The following RTN4 variants were observed in gnomAD, a reference collection of about 807,000 sequenced individuals.
The protein encoded by RTN4 is reticulon-4.
In RTN4, 32 loss-of-function variants were observed where a neutral mutation model predicts 90.4. That is an observed-to-expected ratio of 0.35 (90% CI 0.27 to 0.48). The LOEUF (loss-of-function observed/expected upper bound fraction) is 0.48, where lower values mean the gene tolerates loss of function less well. Ranked by LOEUF, RTN4 falls within the 20% of genes least tolerant of loss-of-function variation. The pLI, the probability that RTN4 is intolerant of heterozygous loss-of-function variation, is 0.99. For synonymous variants in RTN4, 629 were observed against 552.5 expected, an observed-to-expected ratio of 1.14 and a Z score of -1.94; for missense variants, 1,706 against 1,430.2, an observed-to-expected ratio of 1.19 and a Z score of -3.11.
intron 1 of RTN4, among the ~76,000 whole-genome samples, chr2:55,045,989 C>T (rs866462707): frequency 1.3e-5 from 2 of 152,196 alleles, no homozygotes; most frequent in Middle Eastern, 3.2e-3. Flanking sequence ...AGGTTTTAGT[C>T]TCACTTCAGT....
chr2:54,981,779 TAAGAAAG>T (rs760161669), intron 5 of RTN4, among the ~76,000 whole-genome samples: 1 of 109,312 alleles, frequency 9.1e-6, no homozygotes, highest in Non-Finnish European at 1.9e-5. Context: ...TTATCTAGAA[TAAGAAAG>T]AGTCCAAGAT....
chr2:54,996,607 T>A (rs1040364382), intron 3 of RTN4, among the ~76,000 whole-genome samples: 2 of 152,328 alleles, frequency 1.3e-5, no homozygotes, highest in South Asian at 4.1e-4. Flanking sequence ...TTTAAACAAA[T>A]GGTGCTAGGA....
At chr2:55,039,886 A>G (rs1206078461) in intron 1 of RTN4, among the ~76,000 whole-genome samples, 1 of 152,238 alleles carries the variant, frequency 6.6e-6, no homozygotes, top group Non-Finnish European at 1.5e-5. Context: ...TTAGTATTCC[A>G]TTAAAATATA....
intron 2 of RTN4, among the ~76,000 whole-genome samples, chr2:55,071,271 T>G (rs1210035392): frequency 3.5e-4 from 53 of 151,954 alleles, no homozygotes. Flanking sequence ...TACCTTGCAA[T>G]TAACTCTTTG....
chr2:55,093,729 CA>C lies in RTN4; in HGVS notation c.-213-13091del, dbSNP rs145080569. Reference sequence around the variant, plus strand: ...GTAAGAGGAAAAAGGGTAAATGTCTCAATTGTTTCCTCCTCTGATTACAGCC... The same window carrying C: ...GTAAGAGGAAAAAGGGTAAATGTCTCATTGTTTCCTCCTCTGATTACAGCC... On this transcript the variant is annotated intron_variant, in intron 1 of 3. Transcript: ENST00000427710. Among the ~76,000 whole-genome samples, 531 of 152,248 alleles carry C rather than the reference CA, an allele frequency of 3.5e-3. 3 individuals are homozygous for C. Among genetic ancestry groups the C allele is most frequent in the Middle Eastern group, 0.014 (4 of 294 alleles).
At chr2:54,985,981 G>A (rs1678527223) in intron 4 of RTN4, among the ~76,000 whole-genome samples, 1 of 152,186 alleles carries the variant, frequency 6.6e-6, no homozygotes, top group Non-Finnish European at 1.5e-5. Context: ...TAATGCAGTA[G>A]GAACTGAATT....
chr2:55,113,567 T>C (rs59078210), upstream of RTN4, among the ~76,000 whole-genome samples: 3,938 of 152,268 alleles, frequency 0.026, 165 homozygotes, highest in African/African-American at 0.089. Context: ...CTTGTTTCAA[T>C]TGAACAATAT....
Position 55,027,426 on chromosome 2 carries a change from G to T in RTN4, c.673C>A (p.Pro225Thr). Residue 225 changes from proline to threonine, a missense_variant, in exon 3 of 9, where the codon CCA becomes ACA. Coordinates refer to ENST00000337526, the MANE Select transcript of RTN4 (RefSeq NM_020532.5). ...NTISAGQEDF[P>T]SVLLETAASL... ...GCAGCAGTTTCAAGCAGGACAGATG[G>T]GAAATCCTCTTGACCAGCCGAAATA... 1.2e-6 allele frequency: 2 copies of T among 1,613,478 alleles called. No individual in the cohort carries two copies. Among genetic ancestry groups the T allele is most frequent in the Non-Finnish European group, 1.7e-6 (2 of 1,179,656 alleles).
chr2:55,107,546 G>C (rs571700342), intron 1 of RTN4, among the ~76,000 whole-genome samples: 2 of 151,872 alleles, frequency 1.3e-5, no homozygotes, highest in African/African-American at 2.4e-5. Flanking sequence ...TGGTACATCT[G>C]GGGGGGTTTT....
intron 3 of RTN4, among the ~76,000 whole-genome samples, chr2:54,990,936 C>T (rs1251956281): frequency 6.6e-6 from 1 of 152,066 alleles, no homozygotes; most frequent in Non-Finnish European, 1.5e-5. Flanking sequence ...GCGCCCGCCA[C>T]CATGCCCGGC....
intron 1 of RTN4, among the ~76,000 whole-genome samples, chr2:55,101,090 A>C (rs1043763653): frequency 6.6e-6 from 1 of 152,100 alleles, no homozygotes; most frequent in African/African-American, 2.4e-5. Context: ...TGAGAGAACA[A>C]AAACAAGCTC....
intron 3 of RTN4, among the ~76,000 whole-genome samples, chr2:55,022,896 A>ACACACACACACAC (rs1681543432): frequency 7.3e-6 from 1 of 137,388 alleles, no homozygotes; most frequent in Non-Finnish European, 1.6e-5. Context: ...TTCAACATCC[A>ACACACACACACAC]ACACACACAC....
chr2:54,987,878 T>A lies in RTN4; in HGVS notation c.3014-180A>T, dbSNP rs138159498. ...CATTTTAAACCCACTCTTAGTTGTATATTAGTATAACACCTTTATTTTTGA... is the reference window on the plus strand; with the variant it reads ...CATTTTAAACCCACTCTTAGTTGTAAATTAGTATAACACCTTTATTTTTGA... On this transcript the variant is annotated intron_variant, in intron 3 of 8. Coordinates refer to ENST00000337526, the MANE Select transcript of RTN4 (RefSeq NM_020532.5). Among the ~76,000 whole-genome samples the A allele has an allele frequency of 3.7e-4, 57 of 152,364 alleles. No individual in the cohort carries two copies. The East Asian group carries it at 0.011, about 29-fold the overall frequency.
At chr2:55,137,110 G>T in the RTN4 span, among the ~76,000 whole-genome samples, 1 of 152,226 alleles carries the variant, frequency 6.6e-6, no homozygotes, top group Admixed American at 6.5e-5. Context: ...TCCGTCTGGG[G>T]AGCTGAGGAA....
At chr2:55,066,461 T>C (rs905779071) in intron 2 of RTN4, among the ~76,000 whole-genome samples, 1 of 151,802 alleles carries the variant, frequency 6.6e-6, no homozygotes, top group Non-Finnish European at 1.5e-5. Context: ...TTGGGAGGCC[T>C]AGGCAGGCGA....
At chr2:55,122,394 G>A in the RTN4 span, among the ~76,000 whole-genome samples, 2 of 152,146 alleles carry the variant, frequency 1.3e-5, no homozygotes, top group African/African-American at 4.8e-5. Flanking sequence ...TTGCACACAT[G>A]GCCCTGACCA....
intron 1 of RTN4, among the ~76,000 whole-genome samples, chr2:55,035,049 T>A (rs1272061864): frequency 6.6e-6 from 1 of 152,116 alleles, no homozygotes; most frequent in East Asian, 1.9e-4. Flanking sequence ...CCTTGATTAA[T>A]CCAGAAGAAG....
chr2:55,118,662 C>A, the RTN4 span, among the ~76,000 whole-genome samples: 1 of 152,172 alleles, frequency 6.6e-6, no homozygotes, highest in Non-Finnish European at 1.5e-5. Flanking sequence ...GTTGAATCTT[C>A]ACCAAACCAG....
intron 1 of RTN4, among the ~76,000 whole-genome samples, chr2:55,098,408 C>A (rs188310783): frequency 5.9e-5 from 9 of 152,098 alleles, no homozygotes; most frequent in African/African-American, 1.2e-4. Flanking sequence ...TATGTAGTAA[C>A]AGAATAATAA....
Sources: allele counts gnomAD v4.1 joint callset (sites outside exome capture counted in the v4.1 genomes callset), GRCh38; gene constraint gnomAD v4.1.1; transcripts MANE v1.5; gene names NCBI Gene and HGNC (gene_info 2026-07-23, HGNC 2026-07-21).